The following KCNIP4 variants were observed in gnomAD, a reference collection of about 807,000 sequenced individuals.
KCNIP4 encodes potassium voltage-gated channel interacting protein 4.
In KCNIP4, 12 loss-of-function variants were observed where a neutral mutation model predicts 34.0. The observed-to-expected ratio is 0.35, with a 90% confidence interval of 0.23 to 0.57. KCNIP4 has a LOEUF of 0.57. Ranked by LOEUF, KCNIP4 falls within the 20% of genes least tolerant of loss-of-function variation. The pLI, the probability that KCNIP4 is intolerant of heterozygous loss-of-function variation, is 0.83. For missense variants in KCNIP4, 238 were observed against 311.7 expected (o/e 0.76, Z 1.78); for synonymous variants, 124 against 102.2 (o/e 1.21, Z -1.29).
intron 1 of KCNIP4, among the ~76,000 whole-genome samples, chr4:21,518,300 C>A (rs1281720659): frequency 6.6e-6 from 1 of 152,190 alleles, no homozygotes; most frequent in Non-Finnish European, 1.5e-5. Flanking sequence ...GAGTTAGTTG[C>A]AGGAAATTGC....
intron 1 of KCNIP4, among the ~76,000 whole-genome samples, chr4:21,496,580 G>A (rs533782937): frequency 8.9e-4 from 135 of 152,222 alleles, no homozygotes; most frequent in African/African-American, 3.2e-3. Flanking sequence ...CACTTCAATC[G>A]TTTCTCTCCC....
intron 1 of KCNIP4, among the ~76,000 whole-genome samples, chr4:21,280,341 TA>T (rs1441741777): frequency 6.6e-6 from 1 of 152,122 alleles, no homozygotes; most frequent in Non-Finnish European, 1.5e-5. Flanking sequence ...TGGAGAGGTG[TA>T]AGGCAGGTAG....
At chr4:21,094,640 A>G (rs1046295200) in intron 1 of KCNIP4, among the ~76,000 whole-genome samples, 1 of 152,212 alleles carries the variant, frequency 6.6e-6, no homozygotes, top group Non-Finnish European at 1.5e-5. Flanking sequence ...CCAATATGTT[A>G]CTGCAGAAAT....
intron 1 of KCNIP4, among the ~76,000 whole-genome samples, chr4:21,212,840 C>T (rs1757315484): frequency 6.6e-6 from 1 of 152,172 alleles, no homozygotes; most frequent in African/African-American, 2.4e-5. Context: ...TCAAAATATA[C>T]ATTTTGGGGA....
chr4:21,524,783 C>T (rs1282000202), intron 1 of KCNIP4, among the ~76,000 whole-genome samples: 1 of 151,512 alleles, frequency 6.6e-6, no homozygotes, highest in East Asian at 2.0e-4. Context: ...TGTCTGTTTG[C>T]TTGACTAGTG....
intron 1 of KCNIP4, among the ~76,000 whole-genome samples, chr4:21,696,335 C>T (rs1261688839): frequency 1.3e-5 from 2 of 152,058 alleles, no homozygotes; most frequent in East Asian, 3.9e-4. Context: ...AGCACAAGAT[C>T]ACCTCTTGCT....
chr4:20,929,401 G>T (rs1730217353), intron 1 of KCNIP4, among the ~76,000 whole-genome samples: 1 of 151,896 alleles, frequency 6.6e-6, no homozygotes, highest in African/African-American at 2.4e-5. Flanking sequence ...TAATAAAGGT[G>T]ATTTATGAAA....
At chr4:21,260,748 G>T (rs1577980347) in intron 1 of KCNIP4, among the ~76,000 whole-genome samples, 1 of 152,146 alleles carries the variant, frequency 6.6e-6, no homozygotes, top group Non-Finnish European at 1.5e-5. Flanking sequence ...TGATGATGTA[G>T]GTAAGTGGGC....
chr4:20,843,450 C>T (rs146852203), intron 3 of KCNIP4, among the ~76,000 whole-genome samples: 170 of 152,240 alleles, frequency 1.1e-3, no homozygotes, highest in African/African-American at 3.9e-3. Flanking sequence ...TGAAAGAAGG[C>T]CGGGCATAGT....
At chr4:21,172,258 C>T (rs1268731274) in intron 1 of KCNIP4, among the ~76,000 whole-genome samples, 1 of 152,094 alleles carries the variant, frequency 6.6e-6, no homozygotes, top group Non-Finnish European at 1.5e-5. Flanking sequence ...TCTCAAACAC[C>T]TGACCTCAAG....
At chr4:21,773,742 G>GTT (rs1553930230) in intron 1 of KCNIP4, among the ~76,000 whole-genome samples, 2,025 of 34,432 alleles carry the variant, frequency 0.059, 69 homozygotes, top group African/African-American at 0.068. Flanking sequence ...GTTTTTTTTT[G>GTT]TTGTTTTTTT....
chr4:21,902,758 T>C (rs532836787), intron 1 of KCNIP4, among the ~76,000 whole-genome samples: 2 of 152,202 alleles, frequency 1.3e-5, no homozygotes, highest in East Asian at 1.9e-4. Flanking sequence ...TGGAGACCAG[T>C]AGACAGAAAT....
In KCNIP4 at chr4:20,964,474, A is replaced by G. The variant is rs147139657; in HGVS notation, c.62-81765T>C. Among the ~76,000 whole-genome samples the G allele has an allele frequency of 5.3e-5, 8 of 152,358 alleles. No homozygotes were observed. In the East Asian group the frequency reaches 1.5e-3, roughly 29 times the overall value. On this transcript the variant is annotated intron_variant, in intron 1 of 8. Coordinates refer to ENST00000382152, the MANE Select transcript of KCNIP4 (RefSeq NM_025221.6). ...GAAGGATATTACTGTGGCAACATTC[A>G]AAGAAAGTGCACTTCAGCCTGAAGC...
At chr4:20,776,492 A>C (rs1279646949) in intron 3 of KCNIP4, among the ~76,000 whole-genome samples, 1 of 152,160 alleles carries the variant, frequency 6.6e-6, no homozygotes. Context: ...CAACATACTG[A>C]GGAAGATAAG....
chr4:21,013,838 T>C (rs1005760509), intron 1 of KCNIP4, among the ~76,000 whole-genome samples: 1 of 152,226 alleles, frequency 6.6e-6, no homozygotes, highest in East Asian at 1.9e-4. Context: ...GAATCAGTTC[T>C]AGTATTTCTA....
At chr4:21,082,526 C>A (rs1239836194) in intron 1 of KCNIP4, among the ~76,000 whole-genome samples, 1 of 151,682 alleles carries the variant, frequency 6.6e-6, no homozygotes, top group African/African-American at 2.4e-5. Flanking sequence ...TGCTTTATTA[C>A]AGCAATATAA....
At chr4:21,352,137 A>T (rs1405857879) in intron 1 of KCNIP4, among the ~76,000 whole-genome samples, 1 of 152,198 alleles carries the variant, frequency 6.6e-6, no homozygotes, top group Non-Finnish European at 1.5e-5. Context: ...CACTAAAAAA[A>T]GAAAAAAATC....
chr4:20,857,333 C>A (rs35270824), intron 2 of KCNIP4, among the ~76,000 whole-genome samples: 11 of 152,176 alleles, frequency 7.2e-5, no homozygotes, highest in Non-Finnish European at 1.3e-4. Flanking sequence ...GACTCAGCCA[C>A]CTTGTAAGAG....
chr4:20,922,473 G>A (rs966378130), intron 1 of KCNIP4, among the ~76,000 whole-genome samples: 2 of 152,094 alleles, frequency 1.3e-5, no homozygotes, highest in Admixed American at 6.5e-5. Context: ...TTGCCAGCTT[G>A]CAGATGGCAA....
Sources: gnomAD v4.1 joint callset for allele counts (sites outside exome capture counted in the v4.1 genomes callset) on GRCh38, gnomAD v4.1.1 for gene constraint, MANE v1.5 for transcripts, NCBI Gene and HGNC (gene_info 2026-07-23, HGNC 2026-07-21) for gene names.